UBXN10: variants seen among roughly 807,000 people sequenced by gnomAD.
UBXN10 encodes UBX domain-containing protein 10.
A neutral mutation model predicts 6.9 loss-of-function variants in UBXN10; 6 were observed. That is an observed-to-expected ratio of 0.87 (90% CI 0.48 to 1.72). UBXN10 has a LOEUF of 1.72. Ranked by LOEUF, UBXN10 falls within the 40% of genes most tolerant of loss-of-function variation. The pLI, the probability that UBXN10 is intolerant of heterozygous loss-of-function variation, is 0.01. For synonymous variants in UBXN10, 131 were observed against 135.2 expected, an observed-to-expected ratio of 0.97 and a Z score of 0.21; for missense variants, 317 against 348.4, an observed-to-expected ratio of 0.91 and a Z score of 0.72.
Position 20,190,549 on chromosome 1 carries a change from G to T in UBXN10, c.-13G>T. 6 of 1,607,026 alleles carry T rather than the reference G, an allele frequency of 3.7e-6. No individual in the cohort carries two copies. Among genetic ancestry groups the T allele is most frequent in the Non-Finnish European group, 3.4e-6 (4 of 1,174,932 alleles). ...CTGTTTTTTTCCTGCTTCCTTAGGG[G>T]TCTTGAGAAGCAATGGCCACAGAAG... On this transcript the variant is annotated splice_region_variant and 5_prime_UTR_variant, in exon 2 of 2. Coordinates refer to ENST00000375099, the MANE Select transcript of UBXN10 (RefSeq NM_152376.5).
chr1:20,184,592 T>A (rs1430254629), upstream of UBXN10: 2 of 152,250 alleles, frequency 1.3e-5, no homozygotes, highest in Non-Finnish European at 2.9e-5. Flanking sequence ...ACTGACATGA[T>A]CTTCTTTCAC....
chr1:20,190,689 AG>A lies in UBXN10; in HGVS notation c.131del (p.Gly44AspfsTer99). On this transcript the variant is annotated frameshift_variant, in exon 2 of 2. Coordinates refer to ENST00000375099, the MANE Select transcript of UBXN10 (RefSeq NM_152376.5). LOFTEE classifies it low-confidence loss of function (END_TRUNC). ...NMHMIRPKSA[K>X]GRTRPSLQKS... is the part of the protein sequence containing the mutation. ...CACATGATAAGGCCCAAGTCCGCCAAGGGACGGACAAGACCGAGTCTGCAGA... is the reference window on the plus strand; with the variant it reads ...CACATGATAAGGCCCAAGTCCGCCAAGGACGGACAAGACCGAGTCTGCAGA... The A allele has an allele frequency of 6.2e-7, 1 of 1,612,752 alleles. No individual in the cohort carries two copies. The highest frequency in any genetic ancestry group is 1.7e-5 in the Admixed American group (1 of 60,022).
upstream of UBXN10, chr1:20,184,197 G>GCGCACACACACACACA (rs1553184784): frequency 2.7e-5 from 4 of 149,722 alleles, no homozygotes; most frequent in African/African-American, 9.8e-5. Context: ...GTGCGCACAC[G>GCGCACACACACACACA]CACACACACA....
In UBXN10 at chr1:20,192,193, G is replaced by A. The variant is rs1036164865; in HGVS notation, c.*789G>A. Reference sequence around the variant, plus strand: ...GTGCAGTCTGATTTCTTTTGCTTTTGTCAGTAATGGAATCTTTTGTTTTTA... The same window carrying A: ...GTGCAGTCTGATTTCTTTTGCTTTTATCAGTAATGGAATCTTTTGTTTTTA... On this transcript the variant is annotated 3_prime_UTR_variant, in exon 2 of 2. Coordinates refer to ENST00000375099, the MANE Select transcript of UBXN10 (RefSeq NM_152376.5). The A allele has an allele frequency of 1.2e-5, 2 of 167,040 alleles. No individual in the cohort carries two copies. The highest frequency in any genetic ancestry group is 4.8e-5 in the African/African-American group (2 of 41,438). The allele number at this position is 167,040 out of a possible 1,614,324, so 10.3% of individuals were successfully genotyped here. A position where few individuals can be genotyped will look rare whatever the true frequency, so the allele number is the denominator to read the frequency against.
chr1:20,184,197 G>A (rs199716672), upstream of UBXN10: 131 of 149,718 alleles, frequency 8.7e-4, no homozygotes, highest in African/African-American at 2.6e-3. Flanking sequence ...GTGCGCACAC[G>A]CACACACACA....
upstream of UBXN10, among the ~76,000 whole-genome samples, chr1:20,185,112 G>C (rs1432620982): frequency 2.0e-5 from 3 of 152,138 alleles, no homozygotes; most frequent in Non-Finnish European, 4.4e-5. Flanking sequence ...CTCCAGCCTG[G>C]GTGAAGGGGC....
In UBXN10 at chr1:20,193,830, G is replaced by A. The variant is rs755390086; in HGVS notation, c.*2426G>A. ...AAATCAGAATTCAGAGTTCCTGATG[G>A]CTCCACATGTTGCATTGCAGCTGAG... On this transcript the variant is annotated 3_prime_UTR_variant, in exon 2 of 2. Transcript: ENST00000375099. 1.2e-5 allele frequency: 2 copies of A among 167,008 alleles called. No homozygotes were observed. Among genetic ancestry groups the A allele is most frequent in the Non-Finnish European group, 2.9e-5 (2 of 68,108 alleles). 10.3% of individuals were successfully genotyped at this position (167,008 alleles called of 1,614,324 possible).
upstream of UBXN10, among the ~76,000 whole-genome samples, chr1:20,183,991 T>C (rs986854361): frequency 1.3e-5 from 2 of 152,206 alleles, no homozygotes; most frequent in Non-Finnish European, 2.9e-5. Flanking sequence ...ATCCTCTTTA[T>C]AGAAGGTCGG....
In UBXN10 at chr1:20,190,879, G is replaced by A; in HGVS notation, c.318G>A (p.Gly106=). The A allele has an allele frequency of 6.2e-7, 1 of 1,614,048 alleles. No individual in the cohort carries two copies. The highest frequency in any genetic ancestry group is 8.5e-7 in the Non-Finnish European group (1 of 1,180,030). ...AGCTGCAGCAGCAAGTACCCACTGGGGCTTCCTCTTCTCTCAATAAGTATC... is the reference window on the plus strand; with the variant it reads ...AGCTGCAGCAGCAAGTACCCACTGGAGCTTCCTCTTCTCTCAATAAGTATC... The part of the protein sequence containing the change: ...IPELQQQVPT[G]ASSSLNKYPV... The change falls in exon 2 of 2, where the codon GGG becomes GGA. Residue 106 remains glycine (G), a synonymous_variant. Coordinates refer to ENST00000375099, the MANE Select transcript of UBXN10 (RefSeq NM_152376.5).
chr1:20,188,537 C>G lies in UBXN10; in HGVS notation c.-15-2010C>G, dbSNP rs147759694. Among the ~76,000 whole-genome samples the G allele has an allele frequency of 9.8e-4, 149 of 152,236 alleles. 1 individual carries two copies. Among genetic ancestry groups the G allele is most frequent in the Middle Eastern group, 3.4e-3 (1 of 294 alleles). ...AGGTTAGAATACAAACCCTGAGAGG[C>G]TCAGATTACATTGTTCAAGATTTTG... On this transcript the variant is annotated intron_variant, in intron 1 of 1. Coordinates refer to ENST00000375099, the MANE Select transcript of UBXN10 (RefSeq NM_152376.5).
At chr1:20,185,408 T>C (rs920250298), upstream of UBXN10, among the ~76,000 whole-genome samples, 5 of 152,024 alleles carry the variant, frequency 3.3e-5, no homozygotes, top group South Asian at 4.2e-4. Context: ...AAGAAGCAGA[T>C]TGATATCGAG....
Position 20,187,800 on chromosome 1 carries a change from C to T in UBXN10, c.-16+1647C>T, listed in dbSNP as rs139145691. Reference sequence around the variant, plus strand: ...AACCAAAAGGTATAGAAAGTGCATGCACATACTCAAGTTTTACTGTTAAAA... The same window carrying T: ...AACCAAAAGGTATAGAAAGTGCATGTACATACTCAAGTTTTACTGTTAAAA... On this transcript the variant is annotated intron_variant, in intron 1 of 1. Coordinates refer to ENST00000375099, the MANE Select transcript of UBXN10 (RefSeq NM_152376.5). The surrounding 1 kb of genome is among the most constrained non-coding windows in gnomAD (Gnocchi z 4.6). 4.6e-5 allele frequency among the ~76,000 whole-genome samples: 7 copies of T among 152,302 alleles called. No individual in the cohort carries two copies. The highest frequency in any genetic ancestry group is 1.4e-4 in the African/African-American group (6 of 41,558).
chr1:20,191,315 T>G lies in UBXN10; in HGVS notation c.754T>G (p.Ser252Ala), dbSNP rs770899379. ...ETMEVPRRRFSDLTKSLQECR... is the reference protein window; with the variant it reads ...ETMEVPRRRFADLTKSLQECR... ...AATGGAGGTGCCCAGGAGGCGATTT[T>G]CTGACCTCACCAAATCTCTGCAAGA... Residue 252 changes from serine to alanine, a missense_variant, in exon 2 of 2, where the codon TCT (serine) becomes GCT (alanine). By Grantham distance (99) the Ser-to-Ala change is moderately conservative (BLOSUM62 1). Transcript: ENST00000375099. This position sits in a 1 kb window ranked among gnomAD's most constrained non-coding sequence, Gnocchi z 4.5. 7.4e-6 allele frequency: 12 copies of G among 1,614,058 alleles called. No homozygotes were observed. In the South Asian group the frequency reaches 1.3e-4, roughly 18 times the overall value.
At chr1:20,184,869 A>G (rs530639602), upstream of UBXN10, among the ~76,000 whole-genome samples, 15 of 152,218 alleles carry the variant, frequency 9.9e-5, no homozygotes, top group Admixed American at 5.9e-4. Flanking sequence ...AGAAGAAAGG[A>G]GAGGCTGGGC....
intron 1 of UBXN10, among the ~76,000 whole-genome samples, chr1:20,186,975 G>T (rs1294663165): frequency 6.6e-6 from 1 of 152,200 alleles, no homozygotes; most frequent in Non-Finnish European, 1.5e-5. Context: ...ATGTATCTTG[G>T]TATATACCAG....
chr1:20,185,472 T>C (rs2018355000), upstream of UBXN10, among the ~76,000 whole-genome samples: 1 of 152,060 alleles, frequency 6.6e-6, no homozygotes, highest in African/African-American at 2.4e-5. Flanking sequence ...GAAAAACAGA[T>C]ACAGCGGAAG....
chr1:20,186,737 C>G (rs1266367448), intron 1 of UBXN10, among the ~76,000 whole-genome samples: 1 of 152,152 alleles, frequency 6.6e-6, no homozygotes, highest in East Asian at 1.9e-4. Context: ...CACTTGGTGG[C>G]TTGTGGTTCA....
At chr1:20,188,791 T>G (rs763178038) in intron 1 of UBXN10, among the ~76,000 whole-genome samples, 1 of 151,582 alleles carries the variant, frequency 6.6e-6, no homozygotes, top group African/African-American at 2.4e-5. Flanking sequence ...TAACCAGGAG[T>G]AGAATCACCG....
At position 20,194,258 on chromosome 1, in the gene UBXN10, A is replaced by T. The variant is rs572085061; in HGVS notation, c.*2854A>T. ...CCTTCATGATAGGTTACTCTAGTATATTCCCTCATAAAGTCCAATAGGTAA... is the reference window on the plus strand; with the variant it reads ...CCTTCATGATAGGTTACTCTAGTATTTTCCCTCATAAAGTCCAATAGGTAA... On this transcript the variant is annotated 3_prime_UTR_variant, in exon 2 of 2. Transcript: ENST00000375099. 1 of 167,226 alleles carries T rather than the reference A, an allele frequency of 6.0e-6. No homozygotes were observed. The highest frequency in any genetic ancestry group is 2.1e-4 in the South Asian group (1 of 4,830). The allele number at this position is 167,226 out of a possible 1,614,324, so 10.4% of individuals were successfully genotyped here.
Sources: allele counts gnomAD v4.1 joint callset (sites outside exome capture counted in the v4.1 genomes callset), GRCh38; gene constraint gnomAD v4.1.1; non-coding constraint Gnocchi (gnomAD v3.1); transcripts MANE v1.5; gene names NCBI Gene and HGNC (gene_info 2026-07-23, HGNC 2026-07-21).